ZNF644: variants seen among roughly 807,000 people sequenced by gnomAD.
ZNF644 encodes the protein zinc finger protein 644, also known as zinc finger motif enhancer binding protein 2.
ZNF644 carries 20 observed loss-of-function variants against 108.0 expected under a neutral mutation model. The ratio of observed to expected loss-of-function variants is 0.19; its 90% CI spans 0.13 to 0.27. ZNF644 has a LOEUF of 0.27. ZNF644 is among the 10% of genes least tolerant of loss of function. ZNF644 has a pLI of 1.00. For synonymous variants in ZNF644, 542 were observed against 539.1 expected (o/e 1.01, Z -0.08); for missense variants, 1,338 against 1,548.9 (o/e 0.86, Z 2.29).
chr1:90,945,726 C>T (rs1231649541), intron 2 of ZNF644, among the ~76,000 whole-genome samples: 1 of 152,062 alleles, frequency 6.6e-6, no homozygotes, highest in Non-Finnish European at 1.5e-5. Context: ...CTATGCTGTC[C>T]ACTTTCTGTT....
At chr1:90,950,305 GGGACA>G (rs1557588288) in intron 2 of ZNF644, among the ~76,000 whole-genome samples, 5 of 46,640 alleles carry the variant, frequency 1.1e-4, no homozygotes, top group East Asian at 8.2e-4. Context: ...GGGAGGGGAG[GGGACA>G]AAAGAAAAGA....
At chr1:91,009,248 A>G (rs1050344432) in intron 1 of ZNF644, among the ~76,000 whole-genome samples, 3 of 152,146 alleles carry the variant, frequency 2.0e-5, no homozygotes, top group Non-Finnish European at 1.5e-5. Flanking sequence ...TAAAATGTAA[A>G]TGTTATACTA....
intron 2 of ZNF644, among the ~76,000 whole-genome samples, chr1:90,975,343 A>C (rs1655884980): frequency 6.6e-6 from 1 of 152,194 alleles, no homozygotes; most frequent in Admixed American, 6.5e-5. Context: ...CAATTCATAA[A>C]ACATCAGATG....
intron 2 of ZNF644, among the ~76,000 whole-genome samples, chr1:90,946,686 TA>T (rs1392591898): frequency 6.6e-6 from 1 of 152,106 alleles, no homozygotes; most frequent in Non-Finnish European, 1.5e-5. Context: ...GCCACAGAGC[TA>T]ACTGTATCAT....
At position 90,938,106 on chromosome 1, in the gene ZNF644, TAA is replaced by T. The variant is rs1178148746; in HGVS notation, c.3083-18_3083-17del. 5 of 1,610,360 alleles carry T rather than the reference TAA, an allele frequency of 3.1e-6. No homozygotes were observed. The highest frequency in any genetic ancestry group is 3.3e-4 in the Middle Eastern group (2 of 6,082). On this transcript the variant is annotated splice_polypyrimidine_tract_variant and intron_variant, in intron 3 of 5. Transcript: ENST00000337393. This position sits in a 1 kb window ranked among gnomAD's most constrained non-coding sequence, Gnocchi z 4.2. ...TTCTCTATAGCTAGAAAAAAATTTT[TAA>T]GAGTAATATCAGACTTTCTTATATA... is the stretch of plus-strand genomic sequence containing the variant.
At chr1:91,021,525 A>G (rs1660909577) in intron 1 of ZNF644, 1 of 151,410 alleles carries the variant, frequency 6.6e-6, no homozygotes, top group African/African-American at 2.4e-5. Flanking sequence ...CCTTCCCCCT[A>G]CTGCTCACTG....
chr1:90,927,433 T>C (rs550885292), intron 4 of ZNF644, among the ~76,000 whole-genome samples: 5 of 152,132 alleles, frequency 3.3e-5, no homozygotes, highest in Non-Finnish European at 4.4e-5. Context: ...AGAGTATCTA[T>C]AAGGGTTACC....
At chr1:90,947,204 G>A (rs1375931800) in intron 2 of ZNF644, among the ~76,000 whole-genome samples, 1 of 152,166 alleles carries the variant, frequency 6.6e-6, no homozygotes, top group Non-Finnish European at 1.5e-5. Context: ...GCAACCAAAG[G>A]AGAGTACTAA....
chr1:91,001,579 A>G (rs1453259942), intron 1 of ZNF644, among the ~76,000 whole-genome samples: 1 of 152,214 alleles, frequency 6.6e-6, no homozygotes, highest in Non-Finnish European at 1.5e-5. Context: ...AGCCAATATC[A>G]TACTGAATGG....
At chr1:90,918,723 T>C (rs1426024496) in intron 4 of ZNF644, among the ~76,000 whole-genome samples, 3 of 152,124 alleles carry the variant, frequency 2.0e-5, no homozygotes, top group Non-Finnish European at 4.4e-5. Context: ...AATAAATAGC[T>C]CTTAAAATTG....
In ZNF644 at chr1:90,916,770, A is replaced by G. The variant is rs1387663369; in HGVS notation, c.*28T>C. 6.2e-7 allele frequency: 1 copy of G among 1,612,562 alleles called. No homozygotes were observed. Among genetic ancestry groups the G allele is most frequent in the South Asian group, 1.1e-5 (1 of 91,030 alleles). The stretch of plus-strand genomic sequence containing the variant: ...GAATTTCAAATTTACATCCAATTCA[A>G]ACTGGCTATTTAAAAGGTTTCCTGG... On this transcript the variant is annotated 3_prime_UTR_variant, in exon 6 of 6. Coordinates refer to ENST00000337393, the MANE Select transcript of ZNF644 (RefSeq NM_201269.3).
intron 2 of ZNF644, among the ~76,000 whole-genome samples, chr1:90,955,998 G>A (rs563136640): frequency 6.6e-6 from 1 of 152,264 alleles, no homozygotes; most frequent in African/African-American, 2.4e-5. Flanking sequence ...AACACTAATA[G>A]AGGCCACTGT....
Position 90,915,712 on chromosome 1 carries a change from A to G in ZNF644, c.*1086T>C, listed in dbSNP as rs1046386929. 3 of 152,596 alleles carry G rather than the reference A, an allele frequency of 2.0e-5. No homozygotes were observed. Among genetic ancestry groups the G allele is most frequent in the African/African-American group, 7.2e-5 (3 of 41,440 alleles). 9.5% of individuals were successfully genotyped at this position (152,596 alleles called of 1,614,324 possible). A position where few individuals can be genotyped will look rare whatever the true frequency, so the allele number is the denominator to read the frequency against. ...CTTAGCATGAGCATAGTGTTACACG[A>G]TTTTCGTACATATAATCACATCCAA... On this transcript the variant is annotated 3_prime_UTR_variant, in exon 6 of 6. Transcript: ENST00000337393.
chr1:90,930,878 A>T (rs1352709890), intron 4 of ZNF644, among the ~76,000 whole-genome samples: 1 of 152,078 alleles, frequency 6.6e-6, no homozygotes, highest in African/African-American at 2.4e-5. Flanking sequence ...CTTTAACAAC[A>T]TTCTCTCTAC....
chr1:90,917,894 G>A (rs1262654277), intron 5 of ZNF644, among the ~76,000 whole-genome samples, 158 bp downstream of exon 5: 1 of 152,208 alleles, frequency 6.6e-6, no homozygotes, highest in Non-Finnish European at 1.5e-5. Context: ...GATATTGTGA[G>A]CTGAATTAAG....
At chr1:90,946,137 A>G (rs544366225) in intron 2 of ZNF644, among the ~76,000 whole-genome samples, 2 of 152,224 alleles carry the variant, frequency 1.3e-5, no homozygotes, top group Non-Finnish European at 2.9e-5. Context: ...ATTAACTGAA[A>G]TATTATATTT....
intron 4 of ZNF644, among the ~76,000 whole-genome samples, chr1:90,919,039 T>C (rs948275961): frequency 6.6e-6 from 1 of 152,084 alleles, no homozygotes; most frequent in African/African-American, 2.4e-5. Flanking sequence ...AATTTTTCCA[T>C]TAATTGACTT....
intron 4 of ZNF644, among the ~76,000 whole-genome samples, chr1:90,920,672 A>G (rs1649327545): frequency 6.6e-6 from 1 of 152,000 alleles, no homozygotes; most frequent in Non-Finnish European, 1.5e-5. Context: ...AGCAATGAGT[A>G]TTTGAAGGTA....
intron 1 of ZNF644, among the ~76,000 whole-genome samples, chr1:90,994,493 TA>T (rs1329818412): frequency 1.3e-5 from 2 of 152,152 alleles, no homozygotes; most frequent in African/African-American, 4.8e-5. Flanking sequence ...ATTCTAGGTA[TA>T]AACTTTGCCC....
Sources: allele counts gnomAD v4.1 joint callset (sites outside exome capture counted in the v4.1 genomes callset), GRCh38; gene constraint gnomAD v4.1.1; non-coding constraint Gnocchi (gnomAD v3.1); transcripts MANE v1.5; gene names NCBI Gene and HGNC (gene_info 2026-07-23, HGNC 2026-07-21).